Variants in BACE2 observed in about 807,000 individuals in gnomAD.
The protein encoded by BACE2 is beta-secretase 2, also known as 56 kDa aspartic-like protease.
A neutral mutation model predicts 46.2 loss-of-function variants in BACE2; 17 were observed. That is an observed-to-expected ratio of 0.37 (90% CI 0.25 to 0.55). The LOEUF (loss-of-function observed/expected upper bound fraction) is 0.55. BACE2 is among the 20% of genes least tolerant of loss of function. The probability of loss-of-function intolerance (pLI) is 0.82; values close to 1 mark genes in which losing one functional copy is unlikely to be tolerated. For synonymous variants in BACE2, 277 were observed against 295.9 expected, an observed-to-expected ratio of 0.94 and a Z score of 0.66; for missense variants, 595 against 698.1, an observed-to-expected ratio of 0.85 and a Z score of 1.66.
intron 1 of BACE2, among the ~76,000 whole-genome samples, chr21:41,212,242 C>G (rs8128664): frequency 7.2e-5 from 11 of 152,212 alleles, no homozygotes; most frequent in African/African-American, 2.7e-4. Flanking sequence ...TGCCTTCTCT[C>G]TGTCTCCTTA....
At chr21:41,230,066 A>G (rs537050653) in intron 2 of BACE2, 3 of 152,230 alleles carry the variant, frequency 2.0e-5, no homozygotes, top group Non-Finnish European at 2.9e-5. Context: ...CTTATTTGCG[A>G]GTACTGCAGA....
chr21:41,216,054 G>C (rs1986457190), intron 1 of BACE2, among the ~76,000 whole-genome samples: 1 of 152,180 alleles, frequency 6.6e-6, no homozygotes, highest in Non-Finnish European at 1.5e-5. Context: ...CGGGGTGTTT[G>C]AGTTTTCCGT....
chr21:41,219,113 G>A (rs1334675041), intron 1 of BACE2, among the ~76,000 whole-genome samples: 1 of 152,080 alleles, frequency 6.6e-6, no homozygotes, highest in African/African-American at 2.4e-5. Flanking sequence ...TGCCTGCCTC[G>A]GCCTCCCAAA....
At chr21:41,222,048 A>G (rs992644824) in intron 1 of BACE2, among the ~76,000 whole-genome samples, 4 of 152,148 alleles carry the variant, frequency 2.6e-5, no homozygotes, top group Admixed American at 2.0e-4. Context: ...ATGCGCTCGG[A>G]GTCTGACTCT....
intron 1 of BACE2, among the ~76,000 whole-genome samples, chr21:41,174,139 CTTTTTTTTTTTTTT>C (rs1328562900): frequency 2.1e-5 from 1 of 48,496 alleles, no homozygotes; most frequent in Non-Finnish European, 3.1e-5. Flanking sequence ...GATCAGTGGC[CTTTTTTTTTTTTTT>C]TTTTTTTTTT....
rs755265850 is a variant in BACE2, at chr21:41,243,411, A to T, written c.783A>T (p.Gly261=). 6.2e-7 allele frequency: 1 copy of T among 1,610,044 alleles called. No homozygotes were observed. The change falls in exon 5 of 9, where the codon GGA becomes GGT. Residue 261 remains glycine (G), a synonymous_variant. Transcript: ENST00000330333. ...LGGIEPSLYK[G]DIWYTPIKEE... ...GAATTGAACCAAGTTTGTATAAAGG[A>T]GACATCTGGTATACCCCTATTAAGG...
At chr21:41,226,006 A>G (rs1474083793) in intron 1 of BACE2, among the ~76,000 whole-genome samples, 1 of 152,212 alleles carries the variant, frequency 6.6e-6, no homozygotes, top group Non-Finnish European at 1.5e-5. Context: ...CAGTTATTTA[A>G]CAGAATCCAT....
At chr21:41,253,441 CA>C (rs58206534) in intron 7 of BACE2, among the ~76,000 whole-genome samples, 16,708 of 113,010 alleles carry the variant, frequency 0.15, 1,034 homozygotes, top group African/African-American at 0.17. Context: ...GACTCCATCT[CA>C]AAAAAAAAAA....
intron 1 of BACE2, chr21:41,225,441 A>G (rs73902962): frequency 4.3e-4 from 66 of 152,320 alleles, no homozygotes; most frequent in African/African-American, 1.5e-3. Context: ...GTGAAGAGAA[A>G]CAAAGGGCTG....
chr21:41,178,928 G>A, intron 1 of BACE2: 1 of 393,522 alleles, frequency 2.5e-6, no homozygotes, highest in Non-Finnish European at 4.4e-6. Context: ...ATTGGTGAAA[G>A]AATCCTGCTT....
chr21:41,192,086 T>A (rs905503048), intron 1 of BACE2, among the ~76,000 whole-genome samples: 1 of 152,252 alleles, frequency 6.6e-6, no homozygotes, highest in Admixed American at 6.5e-5. Flanking sequence ...CTCGAAGTTC[T>A]GCCCACTGGG....
chr21:41,271,969 T>C (rs2088439175), intron 8 of BACE2, among the ~76,000 whole-genome samples: 1 of 151,958 alleles, frequency 6.6e-6, no homozygotes, highest in South Asian at 2.1e-4. Flanking sequence ...TGATGTCCTT[T>C]TTCTTCTGCT....
At chr21:41,216,752 C>G (rs1986481188) in intron 1 of BACE2, among the ~76,000 whole-genome samples, 1 of 152,206 alleles carries the variant, frequency 6.6e-6, no homozygotes, top group African/African-American at 2.4e-5. Flanking sequence ...TGTCTAGTTA[C>G]GCAGTCGCAG....
At chr21:41,242,049 G>C in intron 4 of BACE2, 102 bp downstream of exon 4, 1 of 1,478,238 alleles carries the variant, frequency 6.8e-7, no homozygotes, top group East Asian at 2.3e-5. Flanking sequence ...GCATGTAGGT[G>C]TGCGTAGGTA....
chr21:41,256,957 C>T (rs1458927013), intron 7 of BACE2, among the ~76,000 whole-genome samples: 1 of 152,232 alleles, frequency 6.6e-6, no homozygotes, highest in Non-Finnish European at 1.5e-5. Context: ...GTCACCTGTG[C>T]TGTCACTGAT....
intron 1 of BACE2, among the ~76,000 whole-genome samples, chr21:41,173,323 T>C (rs1467756): frequency 0.38 from 58,548 of 152,140 alleles, 12,963 homozygotes; most frequent in African/African-American, 0.61. Context: ...AGTGCTGTAT[T>C]GATATGAAGC....
chr21:41,200,955 C>T (rs1157433918), intron 1 of BACE2, among the ~76,000 whole-genome samples: 3 of 152,320 alleles, frequency 2.0e-5, no homozygotes, highest in South Asian at 4.1e-4. Context: ...CTGACCTAGG[C>T]CCTGACTGGG....
At position 41,212,227 on chromosome 21, in the gene BACE2, G is replaced by A. The variant is rs559708278; in HGVS notation, c.313-14039G>A. On this transcript the variant is annotated intron_variant, in intron 1 of 8. Coordinates refer to ENST00000330333, the MANE Select transcript of BACE2 (RefSeq NM_012105.5). ...TAGTGAGGGCTTTGTGCTTCATAGA[G>A]TCAGTGCCTTCTCTCTGTCTCCTTA... Among the ~76,000 whole-genome samples, 9 of 152,300 alleles carry A rather than the reference G, an allele frequency of 5.9e-5. No homozygotes were observed. The South Asian group carries it at 1.7e-3, about 28-fold the overall frequency.
chr21:41,226,379 G>T, intron 2 of BACE2, 25 bp downstream of exon 2: 1 of 1,596,420 alleles, frequency 6.3e-7, no homozygotes, highest in South Asian at 1.1e-5. Flanking sequence ...CTTGGCTGGT[G>T]TGCTGGGCCG....
Sources: allele counts gnomAD v4.1 joint callset (sites outside exome capture counted in the v4.1 genomes callset), GRCh38; gene constraint gnomAD v4.1.1; transcripts MANE v1.5; gene names NCBI Gene and HGNC (gene_info 2026-07-23, HGNC 2026-07-21).